Variants in HAGHL observed in about 807,000 individuals in gnomAD.
HAGHL encodes the protein hydroxyacylglutathione hydrolase like.
HAGHL carries 27 observed loss-of-function variants against 29.2 expected under a neutral mutation model. The observed-to-expected ratio is 0.92, with a 90% CI of 0.68 to 1.27. The LOEUF is 1.27. Among genes scored for constraint, HAGHL ranks in the 50% most tolerant of loss-of-function variants. The pLI is 0.00. For missense variants in HAGHL, 529 were observed against 405.5 expected (o/e 1.30, Z -2.62); for synonymous variants, 223 against 185.7 (o/e 1.20, Z -1.63).
At chr16:728,721 G>A (rs1052486830) in intron 5 of HAGHL, 73 bp from the exon 6 acceptor site, 5 of 1,449,000 alleles carry the variant, frequency 3.5e-6, no homozygotes, top group African/African-American at 2.8e-5. Context: ...GGGCAGGGGA[G>A]GCCAGGCCCC....
rs1202031665 is a variant in HAGHL at position 728,463 on chromosome 16, C to A, written c.397+39C>A. On this transcript the variant is annotated intron_variant, in intron 4 of 7. Coordinates refer to ENST00000389703, the MANE Select transcript of HAGHL (RefSeq NM_032304.4). ...GGAGCGCGCCCACCCCGCCTCCCGC[C>A]GGCCCCGCCCCATCTGCTCTGACCC... The A allele has an allele frequency of 2.7e-6, 4 of 1,501,806 alleles. No homozygotes were observed. The South Asian group carries it at 3.6e-5, about 14-fold the overall frequency. 93.0% of individuals were successfully genotyped at this position (1,501,806 alleles called of 1,614,324 possible). A position where few individuals can be genotyped will look rare whatever the true frequency, so the allele number is the denominator to read the frequency against.
chr16:727,662 G>A (rs1168418436), intron 1 of HAGHL, 48 bp downstream of exon 1: 2 of 1,296,732 alleles, frequency 1.5e-6, no homozygotes, highest in South Asian at 1.2e-5. Context: ...TCCCCCGAGA[G>A]CCTCCCCGAC....
At position 728,526 on chromosome 16, in the gene HAGHL, C is replaced by A; in HGVS notation, c.420C>A (p.Gly140=). The A allele has an allele frequency of 1.3e-6, 2 of 1,528,998 alleles. No individual in the cohort carries two copies. The highest frequency in any genetic ancestry group is 1.7e-6 in the Non-Finnish European group (2 of 1,143,984). The allele number at this position is 1,528,998 out of a possible 1,614,324, so 94.7% of individuals were successfully genotyped here. ...LFSGDALSVA[G]CGSCLEGSAQ... ...CAGGCGACGCGCTGTCGGTGGCCGG[C>A]TGCGGCTCGTGCCTGGAGGGCAGCG... The change falls in exon 5 of 8, where the codon GGC becomes GGA. Residue 140 remains glycine, a synonymous_variant. Coordinates refer to ENST00000389703, the MANE Select transcript of HAGHL (RefSeq NM_032304.4).
At position 729,523 on chromosome 16, in the gene HAGHL, A is replaced by G. The variant is rs1205253648; in HGVS notation, c.*67A>G. Reference sequence around the variant, plus strand: ...CGTGACCTCGGCCAGCTGGACCCACATGAGGGCCACCTCTGGAACCTTCTT... The same window carrying G: ...CGTGACCTCGGCCAGCTGGACCCACGTGAGGGCCACCTCTGGAACCTTCTT... On this transcript the variant is annotated 3_prime_UTR_variant, in exon 8 of 8. Transcript: ENST00000389703. 1.3e-6 allele frequency: 2 copies of G among 1,535,004 alleles called. No individual in the cohort carries two copies. Among genetic ancestry groups the G allele is most frequent in the African/African-American group, 2.7e-5 (2 of 73,068 alleles).
In HAGHL at chr16:728,086, C is replaced by G. The variant is rs1055854680; in HGVS notation, c.171-30C>G. On this transcript the variant is annotated intron_variant, in intron 2 of 7. Coordinates refer to ENST00000389703, the MANE Select transcript of HAGHL (RefSeq NM_032304.4). ...GGACGCCGCCTTGTCCCAACCCGAC[C>G]TAACCCGGCCCCCGCCCGCCCGCCC... 2.7e-6 allele frequency: 4 copies of G among 1,489,820 alleles called. 1 individual carries two copies. The African/African-American group carries it at 5.8e-5, about 22-fold the overall frequency. 92.3% of individuals were successfully genotyped at this position (1,489,820 alleles called of 1,614,324 possible). A position where few individuals can be genotyped will look rare whatever the true frequency, so the allele number is the denominator to read the frequency against.
Position 729,293 on chromosome 16 carries a change from A to G in HAGHL, c.686A>G (p.Glu229Gly), listed in dbSNP as rs1374510022. 1 of 1,524,482 alleles carries G rather than the reference A, an allele frequency of 6.6e-7. No homozygotes were observed. Among genetic ancestry groups the G allele is most frequent in the Non-Finnish European group, 8.8e-7 (1 of 1,136,768 alleles). The allele number at this position is 1,524,482 out of a possible 1,614,324, so 94.4% of individuals were successfully genotyped here. Reference protein sequence around the residue: ...LYNPFLRVAEEPVRKFTGKAV... With the variant: ...LYNPFLRVAEGPVRKFTGKAV... ...CACTGCACCCCTCCCTGCAGAGAGGAGCCGGTGCGCAAGTTCACGGGCAAG... is the reference window on the plus strand; with the variant it reads ...CACTGCACCCCTCCCTGCAGAGAGGGGCCGGTGCGCAAGTTCACGGGCAAG... The change falls in exon 8 of 8, where the codon GAG becomes GGG. Residue 229 changes from glutamate to glycine, a missense_variant. Transcript: ENST00000389703.
chr16:728,685 A>AGTGAAT, intron 5 of HAGHL, 81 bp downstream of exon 5: 1 of 1,268,688 alleles, frequency 7.9e-7, no homozygotes, highest in Non-Finnish European at 1.1e-6. Flanking sequence ...AGGGGTGCAG[A>AGTGAAT]GTGAATGCCC....
Position 729,296 on chromosome 16 carries a change from C to A in HAGHL, c.689C>A (p.Pro230Gln), listed in dbSNP as rs199866266. ...TGCACCCCTCCCTGCAGAGAGGAGC[C>A]GGTGCGCAAGTTCACGGGCAAGGCG... ...YNPFLRVAEE[P>Q]VRKFTGKAVP... The change falls in exon 8 of 8, where the codon CCG becomes CAG. Residue 230 changes from proline to glutamine, a missense_variant. Physicochemically the swap from Pro to Gln is moderately conservative, Grantham distance 76. Coordinates refer to ENST00000389703, the MANE Select transcript of HAGHL (RefSeq NM_032304.4). 1.1e-5 allele frequency: 17 copies of A among 1,524,482 alleles called. No individual in the cohort carries two copies. The highest frequency in any genetic ancestry group is 6.2e-5 in the South Asian group (5 of 80,342). 94.4% of individuals were successfully genotyped at this position (1,524,482 alleles called of 1,614,324 possible). A position where few individuals can be genotyped will look rare whatever the true frequency, so the allele number is the denominator to read the frequency against.
In HAGHL at chr16:728,186, C is replaced by T; in HGVS notation, c.241C>T (p.Arg81Cys). 2.1e-6 allele frequency: 3 copies of T among 1,454,606 alleles called. No individual in the cohort carries two copies. Among genetic ancestry groups the T allele is most frequent in the Non-Finnish European group, 2.7e-6 (3 of 1,114,128 alleles). The allele number at this position is 1,454,606 out of a possible 1,614,324, so 90.1% of individuals were successfully genotyped here. The change falls in exon 3 of 8, where the codon CGC (arginine) becomes TGC (cysteine). Residue 81 changes from arginine to cysteine, a missense_variant. Coordinates refer to ENST00000389703, the MANE Select transcript of HAGHL (RefSeq NM_032304.4). ...PGLAVLGADE[R>C]IFSLTRRLAH... is the part of the protein sequence containing the mutation. ...GCTGGCGGTGCTGGGCGCGGACGAG[C>T]GCATCTTCTCGCTGACGCGCAGGCT...
intron 7 of HAGHL, 45 bp from the exon 8 acceptor site, chr16:729,243 C>T (rs1397059635): frequency 5.9e-6 from 9 of 1,533,996 alleles, no homozygotes; most frequent in African/African-American, 5.5e-5. Flanking sequence ...GCCATGCTCC[C>T]GCGTGGGCAG....
intron 4 of HAGHL, 27 bp from the exon 5 acceptor site, chr16:728,477 C>T (rs780887377): frequency 6.7e-7 from 1 of 1,499,158 alleles, no homozygotes; most frequent in Non-Finnish European, 8.9e-7. Context: ...CCCGCCCCAT[C>T]TGCTCTGACC....
At chr16:727,672 C>A in intron 1 of HAGHL, 58 bp downstream of exon 1, 1 of 1,177,946 alleles carries the variant, frequency 8.5e-7, no homozygotes. Context: ...GCCTCCCCGA[C>A]CCCCCTGGTA....
intron 7 of HAGHL, 45 bp downstream of exon 7, chr16:729,133 C>A (rs369501501): frequency 6.2e-7 from 1 of 1,600,376 alleles, no homozygotes; most frequent in African/African-American, 1.3e-5. Flanking sequence ...TACGTGGACC[C>A]TTAGGAAGGC....
In HAGHL at chr16:729,527, G is replaced by A; in HGVS notation, c.*71G>A. ...ACCTCGGCCAGCTGGACCCACATGAGGGCCACCTCTGGAACCTTCTTCGAG... is the reference window on the plus strand; with the variant it reads ...ACCTCGGCCAGCTGGACCCACATGAAGGCCACCTCTGGAACCTTCTTCGAG... On this transcript the variant is annotated 3_prime_UTR_variant, in exon 8 of 8. Transcript: ENST00000389703. 7.2e-6 allele frequency: 11 copies of A among 1,534,862 alleles called. No individual in the cohort carries two copies. Among genetic ancestry groups the A allele is most frequent in the Non-Finnish European group, 9.6e-6 (11 of 1,146,100 alleles).
Position 728,580 on chromosome 16 carries a change from G to C in HAGHL, c.474G>C (p.Glu158Asp), listed in dbSNP as rs746014745. 2.6e-6 allele frequency: 4 copies of C among 1,517,426 alleles called. No individual in the cohort carries two copies. The East Asian group carries it at 9.8e-5, about 37-fold the overall frequency. The allele number at this position is 1,517,426 out of a possible 1,614,324, so 94.0% of individuals were successfully genotyped here. A position where few individuals can be genotyped will look rare whatever the true frequency, so the allele number is the denominator to read the frequency against. ...AGCAGATGTACCAGAGCCTGGCCGAGCTGGGTACCCTGCCCCCCGAGACGG... is the reference window on the plus strand; with the variant it reads ...AGCAGATGTACCAGAGCCTGGCCGACCTGGGTACCCTGCCCCCCGAGACGG... Reference protein sequence around the residue: ...SAQQMYQSLAELGTLPPETKV... With the variant: ...SAQQMYQSLADLGTLPPETKV... Residue 158 changes from glutamate (E) to aspartate (D), a missense_variant, in exon 5 of 8, where the codon GAG becomes GAC. Glu to Asp is a conservative substitution (Grantham distance 45). Coordinates refer to ENST00000389703, the MANE Select transcript of HAGHL (RefSeq NM_032304.4).
chr16:729,026 C>T lies in HAGHL; in HGVS notation c.618C>T (p.Asp206=), dbSNP rs545198131. 5.0e-6 allele frequency: 8 copies of T among 1,609,806 alleles called. No individual in the cohort carries two copies. The highest frequency in any genetic ancestry group is 2.2e-5 in the South Asian group (2 of 90,550). Residue 206 remains aspartate, a synonymous_variant, in exon 7 of 8, where the codon GAC becomes GAT. Coordinates refer to ENST00000389703, the MANE Select transcript of HAGHL (RefSeq NM_032304.4). ...LSWAKKRDED[D]VPTVPSTLGE... ...CACTCCAGAAGAGGGATGAGGATGA[C>T]GTGCCCACTGTGCCGTCGACTCTGG... is the stretch of plus-strand genomic sequence containing the variant.
rs777098321 is a variant in HAGHL, at chr16:727,591, G to A, written c.82G>A (p.Val28Met). The A allele has an allele frequency of 3.1e-6, 5 of 1,610,602 alleles. No homozygotes were observed. The highest frequency in any genetic ancestry group is 4.5e-5 in the East Asian group (2 of 44,800). The change falls in exon 1 of 8, where the codon GTG becomes ATG. Residue 28 changes from valine (V) to methionine (M), a missense_variant. Transcript: ENST00000389703. ...IEELTREAVA[V>M]DVAVPKRLLE... ...GGAGCTCACGCGCGAGGCGGTGGCCGTGGACGTGGCTGTGCCCAAGAGGGT... is the reference window on the plus strand; with the variant it reads ...GGAGCTCACGCGCGAGGCGGTGGCCATGGACGTGGCTGTGCCCAAGAGGGT...
chr16:728,407 C>T lies in HAGHL; in HGVS notation c.380C>T (p.Pro127Leu). ...YFLWEDDCPD[P>L]PALFSGDALS... ...CTGTGGGAGGACGATTGCCCGGACC[C>T]ACCCGCCCTGTTCTCGGGTACCCGC... The change falls in exon 4 of 8, where the codon CCA becomes CTA. Residue 127 changes from proline to leucine, a missense_variant. Pro to Leu is a moderately conservative substitution (Grantham distance 98). Coordinates refer to ENST00000389703, the MANE Select transcript of HAGHL (RefSeq NM_032304.4). 1 of 1,562,958 alleles carries T rather than the reference C, an allele frequency of 6.4e-7. No individual in the cohort carries two copies. Among genetic ancestry groups the T allele is most frequent in the Non-Finnish European group, 8.6e-7 (1 of 1,157,454 alleles).
Position 728,210 on chromosome 16 carries a change from C to G in HAGHL, c.265C>G (p.Leu89Val). ...DERIFSLTRRLAHGEELRFGA... is the reference protein window; with the variant it reads ...DERIFSLTRRVAHGEELRFGA... ...GCGCATCTTCTCGCTGACGCGCAGG[C>G]TGGCGCACGGCGAGGAGCTGCGGGT... Residue 89 changes from leucine to valine, a missense_variant, in exon 3 of 8, where the codon CTG becomes GTG. Leu to Val is a conservative substitution (Grantham distance 32, BLOSUM62 1). Coordinates refer to ENST00000389703, the MANE Select transcript of HAGHL (RefSeq NM_032304.4). 6.9e-7 allele frequency: 1 copy of G among 1,455,922 alleles called. No individual in the cohort carries two copies. Among genetic ancestry groups the G allele is most frequent in the Non-Finnish European group, 9.0e-7 (1 of 1,114,854 alleles). The allele number at this position is 1,455,922 out of a possible 1,614,324, so 90.2% of individuals were successfully genotyped here.
Sources: gnomAD v4.1 joint callset for allele counts on GRCh38, gnomAD v4.1.1 for gene constraint, MANE v1.5 for transcripts, NCBI Gene and HGNC (gene_info 2026-07-23, HGNC 2026-07-21) for gene names.